The following VWA2 variants were observed in gnomAD, a reference collection of about 807,000 sequenced individuals.
The protein encoded by VWA2 is von Willebrand factor A domain containing 2.
A neutral mutation model predicts 70.4 loss-of-function variants in VWA2; 73 were observed. The observed-to-expected ratio is 1.04, with a 90% confidence interval of 0.86 to 1.26. The LOEUF is 1.26. Among genes scored for constraint, VWA2 ranks in the 50% most tolerant of loss-of-function variants. The pLI is 0.00. For missense variants in VWA2, 1,011 were observed against 998.5 expected (o/e 1.01, Z -0.17); for synonymous variants, 407 against 423.3 (o/e 0.96, Z 0.47).
intron 5 of VWA2, among the ~76,000 whole-genome samples, chr10:114,269,574 C>A (rs1017257102): frequency 6.6e-6 from 1 of 152,060 alleles, no homozygotes; most frequent in African/African-American, 2.4e-5. Flanking sequence ...GAGTGAGACT[C>A]TGTCTCAAAA....
chr10:114,265,359 C>T (rs1021225636), intron 5 of VWA2, among the ~76,000 whole-genome samples: 1 of 152,170 alleles, frequency 6.6e-6, no homozygotes, highest in Non-Finnish European at 1.5e-5. Context: ...AGTCAAAGAC[C>T]ATTTGAGTGA....
rs2039574224 is a variant in VWA2 at position 114,291,289 on chromosome 10, A to G, written c.*52A>G. Reference sequence around the variant, plus strand: ...AGCAGCCGTACCCCTCCCAGCAACTACAGAGAAGGCCTGGGCACTGAAATG... The same window carrying G: ...AGCAGCCGTACCCCTCCCAGCAACTGCAGAGAAGGCCTGGGCACTGAAATG... On this transcript the variant is annotated 3_prime_UTR_variant, in exon 14 of 14. Coordinates refer to ENST00000392982, the MANE Select transcript of VWA2 (RefSeq NM_001272046.2). 1 of 1,533,646 alleles carries G rather than the reference A, an allele frequency of 6.5e-7. No homozygotes were observed. The highest frequency in any genetic ancestry group is 8.8e-7 in the Non-Finnish European group (1 of 1,138,580).
Position 114,278,658 on chromosome 10 carries a change from G to A in VWA2, c.701-61G>A, listed in dbSNP as rs1277166386. ...GGGAGCAGCTGCTGGGGAAGCGTGT[G>A]TGGCAGGAGGAGGTGGAACCCTGTC... is the stretch of plus-strand genomic sequence containing the variant. On this transcript the variant is annotated intron_variant, in intron 7 of 13. Coordinates refer to ENST00000392982, the MANE Select transcript of VWA2 (RefSeq NM_001272046.2). The A allele has an allele frequency of 1.9e-6, 3 of 1,600,012 alleles. No individual in the cohort carries two copies. In the African/African-American group the frequency reaches 4.0e-5, roughly 21 times the overall value.
At chr10:114,246,971 G>T (rs3863278) in intron 1 of VWA2, among the ~76,000 whole-genome samples, 24,582 of 152,052 alleles carry the variant, frequency 0.16, 2,145 homozygotes, top group Middle Eastern at 0.21. Context: ...TGGAGGCAAG[G>T]TTCCGCTGCA....
intron 5 of VWA2, among the ~76,000 whole-genome samples, chr10:114,265,640 G>A (rs563350426): frequency 1.3e-5 from 2 of 152,294 alleles, no homozygotes; most frequent in East Asian, 1.9e-4. Flanking sequence ...TAGTTGAGCT[G>A]CTTTTCAGCT....
rs147581655 is a variant in VWA2 at position 114,274,774 on chromosome 10, C to T, written c.566+1840C>T. 8.3e-3 allele frequency among the ~76,000 whole-genome samples: 1,258 copies of T among 152,088 alleles called. 21 individuals are homozygous for T. Among genetic ancestry groups the T allele is most frequent in the African/African-American group, 0.029 (1,212 of 41,484 alleles). ...CCTTCCATAGTGCTGGGATTACAGG[C>T]GTGAGCCACTGCGCCTGGCGTTGGC... On this transcript the variant is annotated intron_variant, in intron 6 of 13. Transcript: ENST00000392982.
intron 11 of VWA2, among the ~76,000 whole-genome samples, chr10:114,288,323 A>G (rs1270617549): frequency 1.3e-5 from 2 of 152,090 alleles, no homozygotes; most frequent in Non-Finnish European, 2.9e-5. Flanking sequence ...TTGTAATTCT[A>G]TGTTCATTTC....
At chr10:114,274,395 G>T (rs1172038255) in intron 6 of VWA2, among the ~76,000 whole-genome samples, 1 of 152,184 alleles carries the variant, frequency 6.6e-6, no homozygotes, top group Non-Finnish European at 1.5e-5. Flanking sequence ...AACTGATTAG[G>T]AGGCCTTTGG....
At chr10:114,279,369 C>G (rs888058631) in intron 8 of VWA2, among the ~76,000 whole-genome samples, 2 of 144,952 alleles carry the variant, frequency 1.4e-5, no homozygotes, top group African/African-American at 5.0e-5. Context: ...TGGGCACTTT[C>G]TTTAGACTAC....
intron 6 of VWA2, among the ~76,000 whole-genome samples, chr10:114,275,791 G>T (rs1378321716): frequency 6.6e-6 from 1 of 152,084 alleles, no homozygotes; most frequent in African/African-American, 2.4e-5. Context: ...AGCCAGGCAT[G>T]GTGGTGGGTG....
rs567797193 is a variant in VWA2 at position 114,241,426 on chromosome 10, T to G, written c.-11+1857T>G. Among the ~76,000 whole-genome samples the G allele has an allele frequency of 3.9e-5, 6 of 152,350 alleles. No homozygotes were observed. The South Asian group carries it at 1.0e-3, about 26-fold the overall frequency. ...TTCTACTGTCTCAATAGTTTTACCT[T>G]TTCCAGAATGTCTTATGATTGGAAT... is the stretch of plus-strand genomic sequence containing the variant. On this transcript the variant is annotated intron_variant, in intron 1 of 13. Coordinates refer to ENST00000392982, the MANE Select transcript of VWA2 (RefSeq NM_001272046.2).
At position 114,261,177 on chromosome 10, in the gene VWA2, C is replaced by A; in HGVS notation, c.262-9C>A. 1 of 1,606,472 alleles carries A rather than the reference C, an allele frequency of 6.2e-7. No homozygotes were observed. Among genetic ancestry groups the A allele is most frequent in the African/African-American group, 1.3e-5 (1 of 74,908 alleles). Reference sequence around the variant, plus strand: ...CTCGGGGCCCTGAGCCCCCTGTCTCCTACTGCAGGTCAGAGTGGGAGCATT... The same window carrying A: ...CTCGGGGCCCTGAGCCCCCTGTCTCATACTGCAGGTCAGAGTGGGAGCATT... On this transcript the variant is annotated splice_polypyrimidine_tract_variant and intron_variant, in intron 4 of 13. Transcript: ENST00000392982.
At chr10:114,281,642 C>A (rs2038124527) in intron 8 of VWA2, 3 of 724,452 alleles carry the variant, frequency 4.1e-6, no homozygotes, top group South Asian at 6.2e-5. Context: ...TCTTGACCTG[C>A]AGAGCCTCGT....
At chr10:114,288,855 A>T (rs1359547651) in intron 11 of VWA2, 83 bp from the exon 12 acceptor site, 1 of 1,495,258 alleles carries the variant, frequency 6.7e-7, no homozygotes, top group East Asian at 2.3e-5. Context: ...CCTTGGTCCT[A>T]CCCAACCTGG....
intron 4 of VWA2, among the ~76,000 whole-genome samples, chr10:114,259,642 A>C (rs1017212087): frequency 6.6e-6 from 1 of 152,118 alleles, no homozygotes; most frequent in Non-Finnish European, 1.5e-5. Context: ...ATTCATTTGC[A>C]GTTTATCCTT....
chr10:114,261,473 C>A (rs1278251875), intron 5 of VWA2, among the ~76,000 whole-genome samples, 178 bp downstream of exon 5: 1 of 152,136 alleles, frequency 6.6e-6, no homozygotes, highest in Non-Finnish European at 1.5e-5. Context: ...CTCCTTATTG[C>A]ATGATAATGT....
intron 5 of VWA2, among the ~76,000 whole-genome samples, chr10:114,271,260 A>G (rs2037701598): frequency 6.6e-6 from 1 of 152,200 alleles, no homozygotes; most frequent in Admixed American, 6.6e-5. Flanking sequence ...GCAAATGTCA[A>G]TATATGTATT....
chr10:114,290,208 C>T (rs1034091884), intron 12 of VWA2, 32 bp from the exon 13 acceptor site: 18 of 1,549,012 alleles, frequency 1.2e-5, no homozygotes, highest in East Asian at 4.9e-5. Flanking sequence ...CATGCCTGGC[C>T]GGCCTGGTGG....
intron 5 of VWA2, among the ~76,000 whole-genome samples, chr10:114,262,781 G>A (rs1179090589): frequency 1.3e-5 from 2 of 152,220 alleles, no homozygotes; most frequent in African/African-American, 2.4e-5. Context: ...CAAGCGGCAA[G>A]TCATCATGCA....
Sources: allele counts gnomAD v4.1 joint callset (sites outside exome capture counted in the v4.1 genomes callset), GRCh38; gene constraint gnomAD v4.1.1; transcripts MANE v1.5; gene names NCBI Gene and HGNC (gene_info 2026-07-23, HGNC 2026-07-21).